The following CASQ2 variants were observed in gnomAD, a reference collection of about 807,000 sequenced individuals.
CASQ2 encodes calsequestrin 2, also known as calsequestrin-2.
CASQ2 carries 49 observed loss-of-function variants against 46.5 expected under a neutral mutation model. The ratio of observed to expected loss-of-function variants is 1.05; its 90% CI spans 0.84 to 1.34. CASQ2 has a LOEUF of 1.34. Ranked by LOEUF, CASQ2 falls within the 40% of genes most tolerant of loss-of-function variation. The pLI is 0.00. For synonymous variants in CASQ2, 174 were observed against 168.5 expected (o/e 1.03, Z -0.25); for missense variants, 486 against 481.3 (o/e 1.01, Z -0.09).
intron 1 of CASQ2, 89 bp downstream of exon 1, chr1:115,768,219 C>G: frequency 1.2e-6 from 1 of 859,674 alleles, no homozygotes; most frequent in Non-Finnish European, 2.0e-6. Flanking sequence ...TTCTCTGCAT[C>G]CTCGTTCCCA....
chr1:115,747,991 G>T (rs1477197420), intron 1 of CASQ2, among the ~76,000 whole-genome samples: 1 of 152,158 alleles, frequency 6.6e-6, no homozygotes, highest in Non-Finnish European at 1.5e-5. Context: ...TTGAATAAGA[G>T]TGGTAAGAAT....
At chr1:115,737,502 C>G (rs1160689819) in intron 4 of CASQ2, among the ~76,000 whole-genome samples, 1 of 152,176 alleles carries the variant, frequency 6.6e-6, no homozygotes. Flanking sequence ...GGCTGAGATA[C>G]CAGAAAAAAG....
At chr1:115,701,727 G>A (rs185359438) in intron 10 of CASQ2, among the ~76,000 whole-genome samples, 39 of 152,288 alleles carry the variant, frequency 2.6e-4, no homozygotes, top group Non-Finnish European at 3.7e-4. Context: ...GTTGGGTCAG[G>A]GGAGTAGGAA....
chr1:115,746,652 A>G (rs1336331451), intron 1 of CASQ2, among the ~76,000 whole-genome samples: 1 of 152,156 alleles, frequency 6.6e-6, no homozygotes, highest in Non-Finnish European at 1.5e-5. Context: ...GCCTGTTCAC[A>G]TCTTTTGCTC....
chr1:115,726,597 T>C (rs1647599765), intron 6 of CASQ2, among the ~76,000 whole-genome samples: 1 of 152,214 alleles, frequency 6.6e-6, no homozygotes, highest in South Asian at 2.1e-4. Flanking sequence ...AATTCCTTGA[T>C]CTGTAAAATT....
At chr1:115,759,565 C>A (rs75338190) in intron 1 of CASQ2, among the ~76,000 whole-genome samples, 1 of 152,164 alleles carries the variant, frequency 6.6e-6, no homozygotes, top group Admixed American at 6.5e-5. Context: ...AAGTAAACCT[C>A]TTTTTATAGA....
chr1:115,755,577 C>A (rs1648728905), intron 1 of CASQ2, among the ~76,000 whole-genome samples: 1 of 152,188 alleles, frequency 6.6e-6, no homozygotes, highest in Non-Finnish European at 1.5e-5. Context: ...CCTGTTCCTG[C>A]TTGGCTGAAC....
chr1:115,761,952 G>A (rs555526258), intron 1 of CASQ2, among the ~76,000 whole-genome samples: 2 of 152,176 alleles, frequency 1.3e-5, no homozygotes, highest in African/African-American at 2.4e-5. Context: ...GAAAGCTTAC[G>A]AGAGATCCCC....
intron 5 of CASQ2, among the ~76,000 whole-genome samples, chr1:115,728,513 G>A (rs1191783036): frequency 6.6e-6 from 1 of 152,098 alleles, no homozygotes; most frequent in African/African-American, 2.4e-5. Context: ...GAGCCAGAGT[G>A]GGCAAGAAAA....
At chr1:115,738,173 G>T in intron 4 of CASQ2, 51 bp downstream of exon 4, 2 of 1,116,464 alleles carry the variant, frequency 1.8e-6, no homozygotes, top group Non-Finnish European at 2.8e-6. Flanking sequence ...GACATACCTT[G>T]TTTGGAATCT....
intron 1 of CASQ2, among the ~76,000 whole-genome samples, chr1:115,751,647 G>A (rs1648587534): frequency 6.8e-6 from 1 of 146,472 alleles, no homozygotes; most frequent in Admixed American, 6.9e-5. Flanking sequence ...ACTCCAGACT[G>A]GGCAACAGAG....
chr1:115,716,566 C>T lies in CASQ2; in HGVS notation c.838+1274G>A, dbSNP rs116750338. Among the ~76,000 whole-genome samples, 818 of 152,322 alleles carry T rather than the reference C, an allele frequency of 5.4e-3. 7 individuals are homozygous for T. Among genetic ancestry groups the T allele is most frequent in the African/African-American group, 0.019 (784 of 41,568 alleles). On this transcript the variant is annotated intron_variant, in intron 8 of 10. Transcript: ENST00000261448. ...GTGCACACACACACAAGCACACACACACCCTGTAAAGCTGGTATGTTTTAA... is the reference window on the plus strand; with the variant it reads ...GTGCACACACACACAAGCACACACATACCCTGTAAAGCTGGTATGTTTTAA...
At chr1:115,729,266 T>A (rs1346747898) in intron 5 of CASQ2, among the ~76,000 whole-genome samples, 2 of 152,028 alleles carry the variant, frequency 1.3e-5, no homozygotes, top group Non-Finnish European at 2.9e-5. Context: ...GCCAGGCTGG[T>A]CTTGAACTAC....
At chr1:115,719,573 G>A (rs965537963) in intron 7 of CASQ2, among the ~76,000 whole-genome samples, 1 of 152,304 alleles carries the variant, frequency 6.6e-6, no homozygotes, top group South Asian at 2.1e-4. Flanking sequence ...TGTCACCAAG[G>A]GAAAGAGCCT....
chr1:115,753,570 T>C (rs1409459526), intron 1 of CASQ2, among the ~76,000 whole-genome samples: 1 of 152,086 alleles, frequency 6.6e-6, no homozygotes, highest in Non-Finnish European at 1.5e-5. Context: ...GTCTCGCTTA[T>C]TCAAGGTGTC....
At chr1:115,750,490 A>C (rs9428219) in intron 1 of CASQ2, among the ~76,000 whole-genome samples, 108,172 of 152,130 alleles carry the variant, frequency 0.71, 42,183 homozygotes, top group Non-Finnish European at 0.88. Context: ...TTTAAAAGTT[A>C]TTTTAAGGTC....
rs112625925 is a variant in CASQ2 at position 115,701,522 on chromosome 1, G to A, written c.1015-96C>T. ...TGAATAGCTATGCTGAGTGCCCCCCGACTCTCTTACACTTATTAGGAACGT... is the reference window on the plus strand; with the variant it reads ...TGAATAGCTATGCTGAGTGCCCCCCAACTCTCTTACACTTATTAGGAACGT... On this transcript the variant is annotated intron_variant, in intron 10 of 10. Transcript: ENST00000261448. 81 of 804,584 alleles carry A rather than the reference G, an allele frequency of 1.0e-4. 1 individual carries two copies. Among genetic ancestry groups the A allele is most frequent in the African/African-American group, 2.7e-4 (16 of 59,234 alleles). 49.8% of individuals were successfully genotyped at this position (804,584 alleles called of 1,614,324 possible).
At chr1:115,753,271 G>A (rs1334485602) in intron 1 of CASQ2, among the ~76,000 whole-genome samples, 10 of 152,152 alleles carry the variant, frequency 6.6e-5, no homozygotes, top group Non-Finnish European at 1.5e-4. Context: ...CAGGGTCAAG[G>A]GCTGGCTGTC....
At chr1:115,729,605 T>TCAACAAAGATAAGAAAA (rs1553194431) in intron 5 of CASQ2, among the ~76,000 whole-genome samples, 1 of 152,214 alleles carries the variant, frequency 6.6e-6, no homozygotes, top group Non-Finnish European at 1.5e-5. Context: ...GGAATAGATT[T>TCAACAAAGATAAGAAAA]CAACAAAGAT....
Sources: gnomAD v4.1 joint callset for allele counts (sites outside exome capture counted in the v4.1 genomes callset) on GRCh38, gnomAD v4.1.1 for gene constraint, MANE v1.5 for transcripts, NCBI Gene and HGNC (gene_info 2026-07-23, HGNC 2026-07-21) for gene names.